TSGA10: variants seen among roughly 807,000 people sequenced by gnomAD.
TSGA10 encodes the protein testis-specific gene 10 protein.
A neutral mutation model predicts 96.6 loss-of-function variants in TSGA10; 43 were observed. That is an observed-to-expected ratio of 0.44 (90% CI 0.35 to 0.57). TSGA10 has a LOEUF of 0.57. Ranked by LOEUF, TSGA10 falls within the 20% of genes least tolerant of loss-of-function variation. The pLI, the probability that TSGA10 is intolerant of heterozygous loss-of-function variation, is 0.01. For missense variants in TSGA10, 703 were observed against 834.4 expected (o/e 0.84, Z 1.94); for synonymous variants, 229 against 269.9 (o/e 0.85, Z 1.48).
intron 17 of TSGA10, among the ~76,000 whole-genome samples, chr2:99,026,969 C>T (rs906083504): frequency 1.2e-4 from 19 of 152,152 alleles, no homozygotes; most frequent in African/African-American, 4.6e-4. Context: ...GATCATCAGG[C>T]ATTAGTTAGA....
At chr2:99,051,441 T>C (rs2083384857) in intron 16 of TSGA10, among the ~76,000 whole-genome samples, 1 of 152,096 alleles carries the variant, frequency 6.6e-6, no homozygotes, top group South Asian at 2.1e-4. Flanking sequence ...TGCGTAAGAA[T>C]ATACGTATAT....
At chr2:99,096,335 G>C (rs1286170342) in intron 10 of TSGA10, among the ~76,000 whole-genome samples, 3 of 152,178 alleles carry the variant, frequency 2.0e-5, no homozygotes, top group Non-Finnish European at 4.4e-5. Flanking sequence ...GTTTGGATCA[G>C]CTTCCGTGTT....
At chr2:99,140,105 T>C (rs1345457470) in intron 1 of TSGA10, among the ~76,000 whole-genome samples, 1 of 152,208 alleles carries the variant, frequency 6.6e-6, no homozygotes, top group African/African-American at 2.4e-5. Flanking sequence ...CGAGATATTG[T>C]GGAAGCTGCC....
chr2:99,125,145 T>C (rs567776589), intron 2 of TSGA10: 1 of 152,316 alleles, frequency 6.6e-6, no homozygotes, highest in Admixed American at 6.5e-5. Context: ...TTTCGTAGCC[T>C]TTTCAGCTTT....
intron 16 of TSGA10, among the ~76,000 whole-genome samples, chr2:99,059,057 T>G (rs1302736909): frequency 8.8e-6 from 1 of 114,244 alleles, no homozygotes; most frequent in African/African-American, 4.7e-5. Context: ...ATAATATATA[T>G]ATATATATAT....
intron 14 of TSGA10, among the ~76,000 whole-genome samples, chr2:99,070,855 T>C (rs1277760623): frequency 1.3e-5 from 2 of 152,156 alleles, no homozygotes; most frequent in African/African-American, 4.8e-5. Flanking sequence ...GTATGGTGCA[T>C]ATGTCACAAT....
intron 16 of TSGA10, among the ~76,000 whole-genome samples, chr2:99,047,523 A>G (rs914797361): frequency 1.3e-5 from 2 of 152,206 alleles, no homozygotes; most frequent in African/African-American, 4.8e-5. Context: ...AAAATTCAAC[A>G]GCTCTTCATG....
intron 1 of TSGA10, 46 bp from the exon 2 acceptor site, chr2:99,127,222 C>T (rs2092874107): frequency 1.7e-6 from 2 of 1,184,114 alleles, no homozygotes; most frequent in Non-Finnish European, 2.1e-6. Flanking sequence ...CAGTTTAAAA[C>T]AGCTCTGTGA....
intron 10 of TSGA10, among the ~76,000 whole-genome samples, chr2:99,102,978 T>C (rs1423065950): frequency 1.3e-5 from 2 of 151,662 alleles, no homozygotes; most frequent in African/African-American, 4.8e-5. Flanking sequence ...AATGTTCTGC[T>C]CCTATTTTAA....
chr2:99,092,947 C>T (rs2089526104), intron 10 of TSGA10, among the ~76,000 whole-genome samples: 2 of 151,968 alleles, frequency 1.3e-5, no homozygotes, highest in Non-Finnish European at 2.9e-5. Context: ...AAGGACATAA[C>T]AAAACATGAA....
intron 12 of TSGA10, among the ~76,000 whole-genome samples, chr2:99,076,680 T>A (rs1279986260): frequency 6.6e-6 from 1 of 152,086 alleles, no homozygotes; most frequent in Non-Finnish European, 1.5e-5. Context: ...TGCCCTCCCA[T>A]ATCTATCTCT....
chr2:99,117,875 T>C (rs1423866586), intron 3 of TSGA10, 116 bp from the exon 4 acceptor site: 3 of 320,746 alleles, frequency 9.4e-6, no homozygotes, highest in Non-Finnish European at 1.3e-5. Flanking sequence ...GAAACTTAAC[T>C]CTATACCTTT....
chr2:99,005,987 C>T (rs1334491290), intron 20 of TSGA10, among the ~76,000 whole-genome samples: 8 of 152,146 alleles, frequency 5.3e-5, no homozygotes, highest in African/African-American at 1.4e-4. Flanking sequence ...GAAATAATGC[C>T]GCATATCTAC....
chr2:99,062,953 A>T (rs2084862605), intron 16 of TSGA10, among the ~76,000 whole-genome samples: 1 of 152,246 alleles, frequency 6.6e-6, no homozygotes, highest in African/African-American at 2.4e-5. Context: ...ACAGGTTAAT[A>T]AGGACCAAGT....
intron 16 of TSGA10, among the ~76,000 whole-genome samples, chr2:99,044,208 G>A (rs2104264837): frequency 6.6e-6 from 1 of 152,214 alleles, no homozygotes; most frequent in South Asian, 2.1e-4. Context: ...TGGGCTAAAT[G>A]CCCCAATTAA....
At chr2:99,094,386 A>C (rs773261020) in intron 10 of TSGA10, among the ~76,000 whole-genome samples, 12 of 152,196 alleles carry the variant, frequency 7.9e-5, no homozygotes, top group Non-Finnish European at 1.5e-4. Context: ...ATGGAACAAA[A>C]ACAATAAGTA....
chr2:99,093,682 G>A (rs975989690), intron 10 of TSGA10, among the ~76,000 whole-genome samples: 5 of 151,564 alleles, frequency 3.3e-5, no homozygotes, highest in African/African-American at 1.2e-4. Flanking sequence ...CAACTTGGGA[G>A]TATACCTAAC....
chr2:99,048,873 C>T (rs1272319169), intron 16 of TSGA10, among the ~76,000 whole-genome samples: 1 of 151,646 alleles, frequency 6.6e-6, no homozygotes, highest in South Asian at 2.1e-4. Flanking sequence ...AGAACTTAAA[C>T]AAATTTAGAA....
At chr2:99,065,934 G>C (rs972768) in intron 15 of TSGA10, among the ~76,000 whole-genome samples, 53,341 of 151,918 alleles carry the variant, frequency 0.35, 10,702 homozygotes, top group African/African-American at 0.55. Context: ...ATAATAGACC[G>C]AGTAATCATT....
Sources: allele counts gnomAD v4.1 joint callset (sites outside exome capture counted in the v4.1 genomes callset), GRCh38; gene constraint gnomAD v4.1.1; transcripts MANE v1.5; gene names NCBI Gene and HGNC (gene_info 2026-07-23, HGNC 2026-07-21).